CCDC170: variants seen among roughly 807,000 people sequenced by gnomAD.
CCDC170 encodes coiled-coil domain-containing protein 170.
CCDC170 carries 69 observed loss-of-function variants against 72.6 expected under a neutral mutation model. That is an observed-to-expected ratio of 0.95 (90% CI 0.78 to 1.16). CCDC170 has a LOEUF of 1.16. CCDC170 is among the 50% of genes most tolerant of loss of function. CCDC170 has a pLI of 0.00. For synonymous variants in CCDC170, 300 were observed against 303.9 expected (o/e 0.99, Z 0.13); for missense variants, 852 against 832.5 (o/e 1.02, Z -0.29).
At chr6:151,532,500 G>A (rs1053292612) in intron 1 of CCDC170, among the ~76,000 whole-genome samples, 1 of 151,872 alleles carries the variant, frequency 6.6e-6, no homozygotes, top group Non-Finnish European at 1.5e-5. Context: ...CCAGCTACTC[G>A]GGAGGCTGAG....
At chr6:151,508,449 G>T (rs1393464705) in intron 1 of CCDC170, among the ~76,000 whole-genome samples, 3 of 151,968 alleles carry the variant, frequency 2.0e-5, no homozygotes, top group Non-Finnish European at 4.4e-5. Context: ...GAGGCAGAAG[G>T]ATTGCTTGAA....
At chr6:151,497,520 C>T (rs1781927299) in intron 1 of CCDC170, among the ~76,000 whole-genome samples, 1 of 152,204 alleles carries the variant, frequency 6.6e-6, no homozygotes, top group Non-Finnish European at 1.5e-5. Flanking sequence ...ACCAGCACAG[C>T]CTTACTGGGA....
intron 5 of CCDC170, among the ~76,000 whole-genome samples, chr6:151,549,663 G>GTTTAAATTTAATATATT (rs1782845957): frequency 6.6e-6 from 1 of 152,150 alleles, no homozygotes; most frequent in South Asian, 2.1e-4. Flanking sequence ...CTGGCCTCAA[G>GTTTAAATTTAATATATT]TGATCCTCCC....
chr6:151,532,170 C>T (rs1254377302), intron 1 of CCDC170, among the ~76,000 whole-genome samples: 1 of 151,910 alleles, frequency 6.6e-6, no homozygotes, highest in Non-Finnish European at 1.5e-5. Context: ...TGAAAACAAT[C>T]CCAAACAATA....
chr6:151,561,065 A>T (rs1241981395), intron 5 of CCDC170, among the ~76,000 whole-genome samples: 3 of 150,920 alleles, frequency 2.0e-5, no homozygotes, highest in Admixed American at 1.3e-4. Context: ...TATCTAGTAA[A>T]TTTTTTTTTA....
intron 5 of CCDC170, among the ~76,000 whole-genome samples, chr6:151,564,386 G>A (rs1222435160): frequency 1.2e-4 from 19 of 152,150 alleles, no homozygotes; most frequent in East Asian, 1.9e-4. Context: ...CTCAGGCCCC[G>A]ATGGGAACAG....
chr6:151,534,927 C>T (rs1782552694), intron 1 of CCDC170, among the ~76,000 whole-genome samples: 1 of 152,178 alleles, frequency 6.6e-6, no homozygotes, highest in Non-Finnish European at 1.5e-5. Context: ...TTTTGTATTC[C>T]TTCAAAAATG....
chr6:151,590,545 A>C (rs1021213911), intron 7 of CCDC170, among the ~76,000 whole-genome samples: 8 of 152,354 alleles, frequency 5.3e-5, no homozygotes, highest in African/African-American at 1.9e-4. Flanking sequence ...GCAAAGTTGC[A>C]CAGAGTTTAA....
At chr6:151,615,881 A>G (rs1040171704) in intron 10 of CCDC170, 1 of 530,626 alleles carries the variant, frequency 1.9e-6, no homozygotes, top group African/African-American at 1.9e-5. Flanking sequence ...AGCGAGAACT[A>G]GTCACATATT....
Position 151,505,564 on chromosome 6 carries a change from G to T in CCDC170, c.57+11379G>T, listed in dbSNP as rs57868859. Among the ~76,000 whole-genome samples, 1,372 of 152,126 alleles carry T rather than the reference G, an allele frequency of 9.0e-3. 23 individuals carry two copies. The highest frequency in any genetic ancestry group is 0.032 in the African/African-American group (1,307 of 41,490). On this transcript the variant is annotated intron_variant, in intron 1 of 10. Transcript: ENST00000239374. ...CCGGGCGTGGTGGCTGGTGCCTGCAGCCCCAGCTACCCGGGAGGTTGAGGC... is the reference window on the plus strand; with the variant it reads ...CCGGGCGTGGTGGCTGGTGCCTGCATCCCCAGCTACCCGGGAGGTTGAGGC...
At chr6:151,587,793 C>T (rs1222460186) in intron 7 of CCDC170, among the ~76,000 whole-genome samples, 2 of 151,998 alleles carry the variant, frequency 1.3e-5, no homozygotes, top group Admixed American at 1.3e-4. Flanking sequence ...ACAATTAGTG[C>T]CATGATGGAG....
intron 1 of CCDC170, among the ~76,000 whole-genome samples, chr6:151,526,450 G>T (rs1176803832): frequency 6.6e-6 from 1 of 151,050 alleles, no homozygotes; most frequent in East Asian, 2.0e-4. Flanking sequence ...TCAATCTCTT[G>T]ACCTAGTGAT....
chr6:151,585,938 G>T lies in CCDC170; in HGVS notation c.1142G>T (p.Gly381Val). 6.2e-7 allele frequency: 1 copy of T among 1,613,960 alleles called. No homozygotes were observed. The highest frequency in any genetic ancestry group is 8.5e-7 in the Non-Finnish European group (1 of 1,179,938). Residue 381 changes from glycine (G) to valine (V), a missense_variant, in exon 7 of 11, where the codon GGA becomes GTA. By Grantham distance (109) the Gly-to-Val change is moderately radical. Coordinates refer to ENST00000239374, the MANE Select transcript of CCDC170 (RefSeq NM_025059.4). Reference sequence around the variant, plus strand: ...ATATCTGAGCTTGTTGAACAGTTGGGAAAGGAGTCTGGGTTTCACCAGAAA... The same window carrying T: ...ATATCTGAGCTTGTTGAACAGTTGGTAAAGGAGTCTGGGTTTCACCAGAAA... ...AQISELVEQL[G>V]KESGFHQKAL...
chr6:151,551,188 T>C (rs1338099816), intron 5 of CCDC170, among the ~76,000 whole-genome samples: 1 of 152,226 alleles, frequency 6.6e-6, no homozygotes, highest in African/African-American at 2.4e-5. Flanking sequence ...TTACATAATA[T>C]GTATTTGTTA....
At chr6:151,536,699 C>A (rs1297000852) in intron 2 of CCDC170, among the ~76,000 whole-genome samples, 1 of 134,888 alleles carries the variant, frequency 7.4e-6, no homozygotes, top group Non-Finnish European at 1.5e-5. Context: ...CACTTGAATC[C>A]GGGAGGTGGA....
chr6:151,516,357 G>A (rs144139978), intron 1 of CCDC170, among the ~76,000 whole-genome samples: 78 of 152,276 alleles, frequency 5.1e-4, no homozygotes, highest in African/African-American at 1.8e-3. Context: ...GCCAAGAGGA[G>A]GTCTCCATTC....
chr6:151,518,587 G>A (rs1384163284), intron 1 of CCDC170, among the ~76,000 whole-genome samples: 1 of 131,938 alleles, frequency 7.6e-6, no homozygotes, highest in African/African-American at 2.7e-5. Context: ...AGGGCTGCTG[G>A]CTGGCTATTT....
At chr6:151,581,714 A>G (rs780223120) in intron 6 of CCDC170, among the ~76,000 whole-genome samples, 112 of 152,206 alleles carry the variant, frequency 7.4e-4, no homozygotes, top group Non-Finnish European at 6.0e-4. Context: ...TATGAAGTAT[A>G]TTTCTTACAT....
intron 1 of CCDC170, among the ~76,000 whole-genome samples, chr6:151,523,880 T>C (rs1307297836): frequency 6.6e-6 from 1 of 152,204 alleles, no homozygotes; most frequent in Non-Finnish European, 1.5e-5. Flanking sequence ...CCACAATGTA[T>C]TGGTCTCTTT....
Sources: allele counts gnomAD v4.1 joint callset (sites outside exome capture counted in the v4.1 genomes callset), GRCh38; gene constraint gnomAD v4.1.1; transcripts MANE v1.5; gene names NCBI Gene and HGNC (gene_info 2026-07-23, HGNC 2026-07-21).